Variants in ANKRD52 observed in about 807,000 individuals in gnomAD.
ANKRD52 encodes serine/threonine-protein phosphatase 6 regulatory ankyrin repeat subunit C.
In ANKRD52, 7 loss-of-function variants were observed where a neutral mutation model predicts 116.0. The observed-to-expected ratio is 0.06, with a 90% CI of 0.03 to 0.11. ANKRD52 has a LOEUF of 0.11. ANKRD52 is among the 10% of genes least tolerant of loss of function. The pLI, the probability that ANKRD52 is intolerant of heterozygous loss-of-function variation, is 1.00. For missense variants in ANKRD52, 839 were observed against 1,408.6 expected (o/e 0.60, Z 6.47); for synonymous variants, 528 against 578.1 (o/e 0.91, Z 1.24).
rs767465294 is a variant in ANKRD52, at chr12:56,244,948, G to C, written c.2534C>G (p.Ala845Gly). The C allele has an allele frequency of 1.2e-6, 2 of 1,613,964 alleles. No homozygotes were observed. The highest frequency in any genetic ancestry group is 3.3e-5 in the Admixed American group (2 of 60,028). ...GCTGTTCACAATCTTGGCACCCAGA[G>C]CTCCCAGTAGCATCTCTGTGGTGCT... ...QDSTTEMLLG[A>G]LGAKIVNSRD... The change falls in exon 23 of 28, where the codon GCT becomes GGT. Residue 845 changes from alanine (A) to glycine (G), a missense_variant. Ala to Gly is a moderately conservative substitution (Grantham distance 60). Around this residue, in one of 2 missense-constraint regions of ANKRD52, gnomAD observed 552 missense variants for 810.6 expected, o/e 0.68. Transcript: ENST00000267116. This position sits in a 1 kb window ranked among gnomAD's most constrained non-coding sequence, Gnocchi z 4.9.
At chr12:56,256,323 A>T (rs571100942) in intron 4 of ANKRD52, among the ~76,000 whole-genome samples, 1 of 152,200 alleles carries the variant, frequency 6.6e-6, no homozygotes, top group Non-Finnish European at 1.5e-5. Context: ...ACCCCCTACT[A>T]CTTCTAGGAA....
intron 4 of ANKRD52, among the ~76,000 whole-genome samples, chr12:56,256,489 C>A (rs1040378775): frequency 3.9e-5 from 6 of 152,210 alleles, no homozygotes; most frequent in African/African-American, 1.2e-4. Flanking sequence ...CACCTCATTC[C>A]CACTGGCCTC....
chr12:56,256,978 C>A (rs1309253735), intron 4 of ANKRD52, 37 bp downstream of exon 4: 1 of 1,593,918 alleles, frequency 6.3e-7, no homozygotes, highest in Admixed American at 1.8e-5. Flanking sequence ...AGCAACTTAT[C>A]CTTTTTGAAA....
At position 56,243,084 on chromosome 12, in the gene ANKRD52, T is replaced by C. The variant is rs1217450254; in HGVS notation, c.*58A>G. The stretch of plus-strand genomic sequence containing the variant: ...AAAGTGCCCTAAATGTTTAGACTTT[T>C]TCTAAATAAATAGAATTAGATATCA... On this transcript the variant is annotated 3_prime_UTR_variant, in exon 28 of 28. Transcript: ENST00000267116. This position sits in a 1 kb window ranked among gnomAD's most constrained non-coding sequence, Gnocchi z 4.6. 5.4e-6 allele frequency: 8 copies of C among 1,494,710 alleles called. No homozygotes were observed. The highest frequency in any genetic ancestry group is 7.1e-6 in the Non-Finnish European group (8 of 1,122,870). The allele number at this position is 1,494,710 out of a possible 1,614,324, so 92.6% of individuals were successfully genotyped here.
Position 56,243,914 on chromosome 12 carries a change from C to G in ANKRD52, c.2889-38G>C. On this transcript the variant is annotated intron_variant, in intron 26 of 27. Transcript: ENST00000267116. The surrounding 1 kb of genome is among the most constrained non-coding windows in gnomAD (Gnocchi z 4.6). ...GAAAAAGAAGGAGCTTGATGCTAAG[C>G]TGCCCTTCCACCTCCAGACAGGGTG... The G allele has an allele frequency of 3.1e-6, 5 of 1,589,750 alleles. No individual in the cohort carries two copies. Among genetic ancestry groups the G allele is most frequent in the Non-Finnish European group, 4.3e-6 (5 of 1,167,442 alleles).
At position 56,252,483 on chromosome 12, in the gene ANKRD52, C is replaced by G. The variant is rs1434254629; in HGVS notation, c.1370+19G>C. 1 of 1,610,326 alleles carries G rather than the reference C, an allele frequency of 6.2e-7. No homozygotes were observed. ...TCTAATCAGATATTCCCTATGTTTACCCCTGCATATTAGCATACCTGCCAA... is the reference window on the plus strand; with the variant it reads ...TCTAATCAGATATTCCCTATGTTTAGCCCTGCATATTAGCATACCTGCCAA... On this transcript the variant is annotated intron_variant, in intron 13 of 27. Transcript: ENST00000267116. This position sits in a 1 kb window ranked among gnomAD's most constrained non-coding sequence, Gnocchi z 4.7.
rs1871259352 is a variant in ANKRD52, at chr12:56,243,522, G to A, written c.2981-130C>T. On this transcript the variant is annotated intron_variant, in intron 27 of 27. Coordinates refer to ENST00000267116, the MANE Select transcript of ANKRD52 (RefSeq NM_173595.4). This position sits in a 1 kb window ranked among gnomAD's most constrained non-coding sequence, Gnocchi z 4.6. ...TACCCAGCAGCGGCAGAATCCAAGG[G>A]TGACGAGGGCCCAGGAAGGCTGACA... The A allele has an allele frequency of 1.5e-6, 2 of 1,344,854 alleles. No homozygotes were observed. Among genetic ancestry groups the A allele is most frequent in the Non-Finnish European group, 1.0e-6 (1 of 997,942 alleles). 83.3% of individuals were successfully genotyped at this position (1,344,854 alleles called of 1,614,324 possible). A position where few individuals can be genotyped will look rare whatever the true frequency, so the allele number is the denominator to read the frequency against.
intron 20 of ANKRD52, among the ~76,000 whole-genome samples, chr12:56,246,524 C>G (rs1034260430): frequency 6.6e-6 from 1 of 151,842 alleles, no homozygotes; most frequent in Non-Finnish European, 1.5e-5. Context: ...CAGGTGGTCA[C>G]GGAAGAGGAT....
intron 4 of ANKRD52, 149 bp downstream of exon 4, chr12:56,256,866 G>T: frequency 1.3e-6 from 1 of 795,954 alleles, no homozygotes. Context: ...CCAGTTCTAG[G>T]GGTAGGAGGA....
At chr12:56,251,738 CAAAA>C (rs11286294) in intron 15 of ANKRD52, among the ~76,000 whole-genome samples, 6 of 83,584 alleles carry the variant, frequency 7.2e-5, no homozygotes, top group African/African-American at 4.2e-5. Context: ...ACTCTGTCTC[CAAAA>C]AAAAAAAAAA....
In ANKRD52 at chr12:56,237,891, AC is replaced by A; in HGVS notation, c.*5250del. ...TACTTGCACCAAAACAGCATAGAAA[AC>A]CAGAGTGTGGTGGGAGGACCCGAAG... On this transcript the variant is annotated 3_prime_UTR_variant, in exon 28 of 28. Coordinates refer to ENST00000267116, the MANE Select transcript of ANKRD52 (RefSeq NM_173595.4). 1.1e-6 allele frequency: 1 copy of A among 948,598 alleles called. No individual in the cohort carries two copies. The highest frequency in any genetic ancestry group is 1.5e-6 in the Non-Finnish European group (1 of 681,300). 58.8% of individuals were successfully genotyped at this position (948,598 alleles called of 1,614,324 possible). A position where few individuals can be genotyped will look rare whatever the true frequency, so the allele number is the denominator to read the frequency against.
chr12:56,243,482 G>T lies in ANKRD52; in HGVS notation c.2981-90C>A. 6.7e-7 allele frequency: 1 copy of T among 1,488,412 alleles called. No homozygotes were observed. Among genetic ancestry groups the T allele is most frequent in the Non-Finnish European group, 9.0e-7 (1 of 1,111,190 alleles). 92.2% of individuals were successfully genotyped at this position (1,488,412 alleles called of 1,614,324 possible). ...CTGAAGTCTCTTCTCTGTGGAGGGA[G>T]CCAAGGCAGGCAGGTACCCAGCAGC... On this transcript the variant is annotated intron_variant, in intron 27 of 27. Coordinates refer to ENST00000267116, the MANE Select transcript of ANKRD52 (RefSeq NM_173595.4). The surrounding 1 kb of genome is among the most constrained non-coding windows in gnomAD (Gnocchi z 4.6).
rs1290868671 is a variant in ANKRD52, at chr12:56,241,963, A to G, written c.*1179T>C. 3 of 398,468 alleles carry G rather than the reference A, an allele frequency of 7.5e-6. No individual in the cohort carries two copies. The highest frequency in any genetic ancestry group is 6.2e-5 in the African/African-American group (3 of 48,618). 24.7% of individuals were successfully genotyped at this position (398,468 alleles called of 1,614,324 possible). On this transcript the variant is annotated 3_prime_UTR_variant, in exon 28 of 28. Transcript: ENST00000267116. ...ACCTATTCATCTCTCTCTAGGTCAG[A>G]GCTTCTTCCTCACACTGGAGGGGAA...
rs4759212 is a variant in ANKRD52, at chr12:56,258,247, T to C, written c.23A>G (p.Asp8Gly). 1 of 1,600,540 alleles carries C rather than the reference T, an allele frequency of 6.2e-7. No homozygotes were observed. The change falls in exon 1 of 28, where the codon GAC becomes GGC. Residue 8 changes from aspartate to glycine, a missense_variant. By Grantham distance (94) the Asp-to-Gly change is moderately conservative. Transcript: ENST00000267116. ...GGAAAGGGCAGGAGGGCTGACCTGG[T>C]CCGTGATGCTGAGGATCCCCATGGC... MGILSIT[D>G]QPPLVQAIFS... is the part of the protein sequence containing the mutation.
intron 18 of ANKRD52, 23 bp from the exon 19 acceptor site, chr12:56,247,797 C>A: frequency 6.2e-7 from 1 of 1,604,292 alleles, no homozygotes; most frequent in South Asian, 1.1e-5. Context: ...GACCCCGTGT[C>A]AGGGCAGGGC....
rs866646587 is a variant in ANKRD52 at position 56,242,080 on chromosome 12, T to C, written c.*1062A>G. 5.0e-6 allele frequency: 2 copies of C among 398,498 alleles called. No homozygotes were observed. The highest frequency in any genetic ancestry group is 4.4e-5 in the Admixed American group (1 of 22,702). 24.7% of individuals were successfully genotyped at this position (398,498 alleles called of 1,614,324 possible). ...CAGGAGTGACTGGGGCAGTGGGTACTCTTGGACATAACGGAAGGTGGAGGC... is the reference window on the plus strand; with the variant it reads ...CAGGAGTGACTGGGGCAGTGGGTACCCTTGGACATAACGGAAGGTGGAGGC... On this transcript the variant is annotated 3_prime_UTR_variant, in exon 28 of 28. Coordinates refer to ENST00000267116, the MANE Select transcript of ANKRD52 (RefSeq NM_173595.4). This position sits in a 1 kb window ranked among gnomAD's most constrained non-coding sequence, Gnocchi z 4.3.
chr12:56,255,097 C>T lies in ANKRD52; in HGVS notation c.463-145G>A. ...AAACAACCTGGAGGACTCGAGGGAA[C>T]AGCAGAAGCAGGCACTAAGGAGGAG... On this transcript the variant is annotated intron_variant, in intron 5 of 27. Transcript: ENST00000267116. The surrounding 1 kb of genome is among the most constrained non-coding windows in gnomAD (Gnocchi z 4.3). 2 of 661,548 alleles carry T rather than the reference C, an allele frequency of 3.0e-6. No homozygotes were observed. Among genetic ancestry groups the T allele is most frequent in the Non-Finnish European group, 5.1e-6 (2 of 388,674 alleles). The allele number at this position is 661,548 out of a possible 1,614,324, so 41.0% of individuals were successfully genotyped here. A position where few individuals can be genotyped will look rare whatever the true frequency, so the allele number is the denominator to read the frequency against.
In ANKRD52 at chr12:56,248,240, C is replaced by T; in HGVS notation, c.1777-16G>A. 6.2e-7 allele frequency: 1 copy of T among 1,612,832 alleles called. No individual in the cohort carries two copies. Among genetic ancestry groups the T allele is most frequent in the Non-Finnish European group, 8.5e-7 (1 of 1,179,566 alleles). On this transcript the variant is annotated splice_polypyrimidine_tract_variant and intron_variant, in intron 17 of 27. Coordinates refer to ENST00000267116, the MANE Select transcript of ANKRD52 (RefSeq NM_173595.4). The surrounding 1 kb of genome is among the most constrained non-coding windows in gnomAD (Gnocchi z 5.1). ...CGTTGTAGGCCTGGCAAGGTGCAGG[C>T]AACCAGTGCACACAGCTCGGGACCT...
At position 56,255,772 on chromosome 12, in the gene ANKRD52, AAC is replaced by A. The variant is rs1244464919; in HGVS notation, c.462+10_462+11del. 1 of 1,554,108 alleles carries A rather than the reference AAC, an allele frequency of 6.4e-7. No homozygotes were observed. The highest frequency in any genetic ancestry group is 8.7e-7 in the Non-Finnish European group (1 of 1,143,434). ...AAAGCCCCAGCTGGGCCTGGATGGG[AAC>A]AGTCCTCACCTCAAGATGCCCACTA... On this transcript the variant is annotated intron_variant, in intron 5 of 27. Transcript: ENST00000267116. This position sits in a 1 kb window ranked among gnomAD's most constrained non-coding sequence, Gnocchi z 4.3.
Sources: allele counts gnomAD v4.1 joint callset (sites outside exome capture counted in the v4.1 genomes callset), GRCh38; gene constraint gnomAD v4.1.1; regional missense constraint gnomAD v4.1.1; non-coding constraint Gnocchi (gnomAD v3.1); transcripts MANE v1.5; gene names NCBI Gene and HGNC (gene_info 2026-07-23, HGNC 2026-07-21).